The following FAF1 variants were observed in gnomAD, a reference collection of about 807,000 sequenced individuals.
FAF1 encodes the protein FAS-associated factor 1.
Under a neutral mutation model 92.5 loss-of-function variants are expected in FAF1, and 25 were observed. The observed-to-expected ratio is 0.27, with a 90% CI of 0.20 to 0.38. The LOEUF (loss-of-function observed/expected upper bound fraction) is 0.38. Among genes scored for constraint, FAF1 ranks in the 10% least tolerant of loss-of-function variants. The pLI, the probability that FAF1 is intolerant of heterozygous loss-of-function variation, is 1.00. For synonymous variants in FAF1, 234 were observed against 273.2 expected, an observed-to-expected ratio of 0.86 and a Z score of 1.42; for missense variants, 636 against 793.3, an observed-to-expected ratio of 0.80 and a Z score of 2.38.
intron 1 of FAF1, among the ~76,000 whole-genome samples, chr1:50,944,848 G>C (rs1645161562): frequency 6.6e-6 from 1 of 152,162 alleles, no homozygotes; most frequent in Admixed American, 6.5e-5. Flanking sequence ...CCTAAAATTG[G>C]TCAGGGTGGA....
At chr1:50,915,269 C>G (rs541634217) in intron 1 of FAF1, among the ~76,000 whole-genome samples, 1 of 151,596 alleles carries the variant, frequency 6.6e-6, no homozygotes, top group East Asian at 1.9e-4. Context: ...ACTTGGGAGG[C>G]TGAGGCACGA....
chr1:50,822,263 AAAATAGCCC>A (rs768982836), intron 2 of FAF1, among the ~76,000 whole-genome samples: 66 of 152,190 alleles, frequency 4.3e-4, no homozygotes, highest in Non-Finnish European at 3.5e-4. Flanking sequence ...TATCACTATC[AAAATAGCCC>A]AACAGGCAGA....
intron 6 of FAF1, among the ~76,000 whole-genome samples, chr1:50,722,430 T>C (rs1024238072): frequency 6.6e-6 from 1 of 151,990 alleles, no homozygotes; most frequent in African/African-American, 2.4e-5. Flanking sequence ...GGGTGGATCA[T>C]GAGGTCAGGA....
rs151251112 is a variant in FAF1, at chr1:50,908,903, T to C, written c.45+50864A>G. On this transcript the variant is annotated intron_variant, in intron 1 of 18. Transcript: ENST00000396153. Reference sequence around the variant, plus strand: ...AAGGTTAATATTGTTATGTGTGAATTTGATCCTGTCTTCATGATGTTAGCT... The same window carrying C: ...AAGGTTAATATTGTTATGTGTGAATCTGATCCTGTCTTCATGATGTTAGCT... Among the ~76,000 whole-genome samples the C allele has an allele frequency of 3.2e-4, 48 of 152,356 alleles. 1 individual carries two copies. The East Asian group carries it at 7.3e-3, about 23-fold the overall frequency.
chr1:50,684,331 T>C (rs1251225118), intron 7 of FAF1, among the ~76,000 whole-genome samples: 1 of 151,738 alleles, frequency 6.6e-6, no homozygotes, highest in African/African-American at 2.4e-5. Flanking sequence ...TGGACCATTT[T>C]AAAACTCAGT....
At chr1:50,567,026 AT>A (rs548663833) in intron 13 of FAF1, 50 bp downstream of exon 13, 8,665 of 1,219,310 alleles carry the variant, frequency 7.1e-3, no homozygotes, top group South Asian at 0.013. Flanking sequence ...AAACACAATG[AT>A]TTTTTTTTTA....
chr1:50,609,791 T>TG (rs1197599916), intron 8 of FAF1, among the ~76,000 whole-genome samples: 1 of 137,068 alleles, frequency 7.3e-6, no homozygotes, highest in Non-Finnish European at 1.6e-5. Context: ...AGTTGAATTA[T>TG]GGAAAAAAAA....
intron 3 of FAF1, among the ~76,000 whole-genome samples, chr1:50,795,761 T>G (rs1044826692): frequency 2.6e-5 from 4 of 152,184 alleles, no homozygotes; most frequent in African/African-American, 9.7e-5. Context: ...ATGTAACATT[T>G]CCACAACACT....
intron 18 of FAF1, among the ~76,000 whole-genome samples, chr1:50,457,724 C>CAAAAAA (rs35479561): frequency 3.0e-4 from 17 of 56,542 alleles, no homozygotes; most frequent in African/African-American, 7.7e-4. Flanking sequence ...CCCATCTCTG[C>CAAAAAA]AAAAAAAAAA....
At chr1:50,507,861 C>T (rs1272473405) in intron 15 of FAF1, among the ~76,000 whole-genome samples, 1 of 152,168 alleles carries the variant, frequency 6.6e-6, no homozygotes, top group Admixed American at 6.5e-5. Context: ...TTGAAAATTT[C>T]TCAGGTCATA....
chr1:50,952,362 G>C (rs975613751), intron 1 of FAF1, among the ~76,000 whole-genome samples: 1 of 152,206 alleles, frequency 6.6e-6, no homozygotes, highest in Admixed American at 6.5e-5. Context: ...TGCCAGCCTC[G>C]GCCTCCCGAG....
At chr1:50,946,648 G>A (rs1459240039) in intron 1 of FAF1, among the ~76,000 whole-genome samples, 2 of 152,144 alleles carry the variant, frequency 1.3e-5, no homozygotes, top group East Asian at 1.9e-4. Flanking sequence ...TGCCAGTTTC[G>A]TGGATGCTGG....
At chr1:50,886,791 A>G (rs548246637) in intron 1 of FAF1, among the ~76,000 whole-genome samples, 45 of 152,226 alleles carry the variant, frequency 3.0e-4, no homozygotes, top group African/African-American at 1.0e-3. Context: ...ATGGACATTT[A>G]GGTTGGTTCC....
chr1:50,606,420 A>G (rs1040886896), intron 8 of FAF1, among the ~76,000 whole-genome samples: 3 of 151,172 alleles, frequency 2.0e-5, no homozygotes, highest in African/African-American at 4.9e-5. Flanking sequence ...CATTTCCCAC[A>G]TAACATTCTT....
At chr1:50,851,923 AT>A (rs768565555) in intron 2 of FAF1, among the ~76,000 whole-genome samples, 5 of 152,128 alleles carry the variant, frequency 3.3e-5, no homozygotes, top group Non-Finnish European at 7.4e-5. Flanking sequence ...AAAAAAAAAA[AT>A]TCTTTCATAA....
At chr1:50,642,464 T>C (rs1362819485) in intron 8 of FAF1, among the ~76,000 whole-genome samples, 2 of 151,528 alleles carry the variant, frequency 1.3e-5, no homozygotes, top group African/African-American at 4.9e-5. Context: ...GCTTGGCCAA[T>C]ACGGTGAAAC....
At chr1:50,554,770 A>C (rs1649489176) in intron 13 of FAF1, among the ~76,000 whole-genome samples, 1 of 152,188 alleles carries the variant, frequency 6.6e-6, no homozygotes, top group Non-Finnish European at 1.5e-5. Context: ...AACTGTATCC[A>C]AGTCAGAATA....
intron 18 of FAF1, among the ~76,000 whole-genome samples, chr1:50,455,235 T>C (rs943019223): frequency 9.2e-5 from 14 of 152,212 alleles, no homozygotes; most frequent in Non-Finnish European, 1.9e-4. Context: ...TAAACTGCTG[T>C]TGGAATTGGC....
At chr1:50,876,967 TATAA>T (rs1387584106) in intron 1 of FAF1, among the ~76,000 whole-genome samples, 1 of 152,232 alleles carries the variant, frequency 6.6e-6, no homozygotes. Flanking sequence ...TCCAGATAGA[TATAA>T]ATAAATGATT....
Sources: gnomAD v4.1 joint callset for allele counts (sites outside exome capture counted in the v4.1 genomes callset) on GRCh38, gnomAD v4.1.1 for gene constraint, MANE v1.5 for transcripts, NCBI Gene and HGNC (gene_info 2026-07-23, HGNC 2026-07-21) for gene names.